TCN2: variants seen among roughly 807,000 people sequenced by gnomAD.
The protein encoded by TCN2 is transcobalamin 2, also known as transcobalamin-2.
Under a neutral mutation model 48.6 loss-of-function variants are expected in TCN2, and 34 were observed. The ratio of observed to expected loss-of-function variants is 0.70; its 90% CI spans 0.53 to 0.93. TCN2 has a LOEUF of 0.93. TCN2 is among the 40% of genes least tolerant of loss of function. TCN2 has a pLI of 0.00. For synonymous variants in TCN2, 283 were observed against 212.5 expected (o/e 1.33, Z -2.89); for missense variants, 652 against 526.1 (o/e 1.24, Z -2.34).
chr22:30,617,785 G>A, intron 7 of TCN2: 1 of 462,502 alleles, frequency 2.2e-6, no homozygotes, highest in Non-Finnish European at 4.0e-6. Flanking sequence ...GAGGAGAACA[G>A]TTGTGCCCCT....
In TCN2 at chr22:30,626,519, T is replaced by C; in HGVS notation, c.1282T>C (p.Ter428GlnextTer14). The stretch of plus-strand genomic sequence containing the variant: ...CATTGAGCTGAGGCTGGTTAGCTGG[T>C]AGCCCCTGAGCTCCCTCATCCCAGC... ...ETIELRLVSW* is the reference protein window; with the variant it reads ...ETIELRLVSWQ Residue 428 changes from the stop codon to glutamine (Q), a stop_lost, in exon 9 of 9, where the codon TAG becomes CAG. Coordinates refer to ENST00000215838, the MANE Select transcript of TCN2 (RefSeq NM_000355.4). 2.5e-6 allele frequency: 4 copies of C among 1,614,076 alleles called. No individual in the cohort carries two copies. The highest frequency in any genetic ancestry group is 3.4e-6 in the Non-Finnish European group (4 of 1,180,010).
intron 1 of TCN2, among the ~76,000 whole-genome samples, chr22:30,609,671 G>A (rs1047086500): frequency 6.6e-5 from 10 of 152,104 alleles, no homozygotes; most frequent in East Asian, 1.9e-4. Context: ...TGACAGAGAC[G>A]GAGAAATGGA....
Position 30,614,399 on chromosome 22 carries a change from G to A in TCN2, c.478G>A (p.Gly160Ser), listed in dbSNP as rs2087582881. 6.2e-7 allele frequency: 1 copy of A among 1,614,190 alleles called. No homozygotes were observed. Among genetic ancestry groups the A allele is most frequent in the Admixed American group, 1.7e-5 (1 of 60,028 alleles). Residue 160 changes from glycine to serine, a missense_variant, in exon 4 of 9, where the codon GGC (glycine) becomes AGC (serine). Transcript: ENST00000215838. The part of the protein sequence containing the change: ...PHTSYYQYGL[G>S]ILALCLHQKR... ...CACTAGCTACTACCAGTATGGCCTG[G>A]GCATTCTGGCCCTGTGTCTCCACCA... is the stretch of plus-strand genomic sequence containing the variant.
intron 1 of TCN2, 62 bp downstream of exon 1, chr22:30,607,457 G>T: frequency 6.3e-7 from 1 of 1,595,794 alleles, no homozygotes; most frequent in South Asian, 1.1e-5. Flanking sequence ...GGTGGCTAGG[G>T]CATAGGATGA....
intron 8 of TCN2, among the ~76,000 whole-genome samples, chr22:30,624,841 G>T (rs1216505479): frequency 6.6e-6 from 1 of 152,176 alleles, no homozygotes; most frequent in Non-Finnish European, 1.5e-5. Context: ...GAAAGTGGAT[G>T]GGAGTTATAA....
At chr22:30,619,493 G>C (rs1173792593) in intron 7 of TCN2, among the ~76,000 whole-genome samples, 1 of 152,230 alleles carries the variant, frequency 6.6e-6, no homozygotes, top group East Asian at 1.9e-4. Context: ...AGAATAGTTT[G>C]AGAATGAGCA....
chr22:30,623,939 C>CACACATATATATGTATACATATAT (rs2087756061), intron 8 of TCN2, among the ~76,000 whole-genome samples: 1 of 35,860 alleles, frequency 2.8e-5, no homozygotes, highest in South Asian at 5.2e-4. Flanking sequence ...TACATATATA[C>CACACATATATATGTATACATATAT]ACACACACAT....
In TCN2 at chr22:30,615,844, C is replaced by T. The variant is rs773678908; in HGVS notation, c.940+57C>T. 285 of 1,604,112 alleles carry T rather than the reference C, an allele frequency of 1.8e-4. No homozygotes were observed. In the Middle Eastern group the frequency reaches 1.8e-3, roughly 10 times the overall value. On this transcript the variant is annotated intron_variant, in intron 6 of 8. Coordinates refer to ENST00000215838, the MANE Select transcript of TCN2 (RefSeq NM_000355.4). ...TTACAATCTGCTGCGCACCCATTGA[C>T]GTCCCAGTGAGGGGAGGTTGCTTCA... is the stretch of plus-strand genomic sequence containing the variant.
At chr22:30,617,036 C>T (rs1478837811) in intron 6 of TCN2, among the ~76,000 whole-genome samples, 1 of 151,706 alleles carries the variant, frequency 6.6e-6, no homozygotes, top group Non-Finnish European at 1.5e-5. Context: ...TGCTAGGTGC[C>T]AGAGAGGTGG....
chr22:30,615,175 T>C, intron 4 of TCN2, 126 bp from the exon 5 acceptor site: 2 of 968,184 alleles, frequency 2.1e-6, no homozygotes, highest in South Asian at 2.7e-5. Flanking sequence ...GATCTGACCA[T>C]GTTGCCCTTC....
At chr22:30,609,450 C>G (rs1228747370) in intron 1 of TCN2, among the ~76,000 whole-genome samples, 1 of 152,162 alleles carries the variant, frequency 6.6e-6, no homozygotes, top group African/African-American at 2.4e-5. Context: ...GGTTGTCAGT[C>G]TCTCCCTTTA....
At chr22:30,624,148 C>T (rs1405843444) in intron 8 of TCN2, among the ~76,000 whole-genome samples, 2 of 149,878 alleles carry the variant, frequency 1.3e-5, no homozygotes, top group Admixed American at 6.7e-5. Flanking sequence ...GGTCTCAGCT[C>T]ACTGCAGCCT....
chr22:30,623,848 A>C (rs1363143722), intron 8 of TCN2, among the ~76,000 whole-genome samples: 1 of 74,468 alleles, frequency 1.3e-5, no homozygotes, highest in Non-Finnish European at 2.2e-5. Context: ...ACACACATAC[A>C]TACACATACA....
At chr22:30,621,254 A>G (rs965207555) in intron 7 of TCN2, among the ~76,000 whole-genome samples, 1 of 151,954 alleles carries the variant, frequency 6.6e-6, no homozygotes, top group African/African-American at 2.4e-5. Context: ...CCGCCTCCTC[A>G]AGTGCTGGGA....
chr22:30,620,224 G>C (rs1403689857), intron 7 of TCN2, among the ~76,000 whole-genome samples: 6 of 152,132 alleles, frequency 3.9e-5, no homozygotes, highest in Non-Finnish European at 8.8e-5. Context: ...GGCCAAGGTG[G>C]GCAGATTACT....
At chr22:30,617,001 A>G (rs751497453) in intron 6 of TCN2, among the ~76,000 whole-genome samples, 3 of 152,126 alleles carry the variant, frequency 2.0e-5, no homozygotes, top group Non-Finnish European at 4.4e-5. Flanking sequence ...GAACAAATGC[A>G]TGTTCTAGGA....
At chr22:30,610,265 T>C (rs747646651) in intron 1 of TCN2, 8 of 471,072 alleles carry the variant, frequency 1.7e-5, no homozygotes, top group Non-Finnish European at 3.5e-5. Context: ...TTTTGAGATC[T>C]GCATGGAGGA....
At chr22:30,617,963 A>C (rs1038080511) in intron 7 of TCN2, among the ~76,000 whole-genome samples, 1 of 152,172 alleles carries the variant, frequency 6.6e-6, no homozygotes, top group Non-Finnish European at 1.5e-5. Context: ...TTTAAGAGAC[A>C]GGGTCTCAAT....
chr22:30,618,965 T>C (rs1448028813), intron 7 of TCN2, among the ~76,000 whole-genome samples: 1 of 152,064 alleles, frequency 6.6e-6, no homozygotes, highest in African/African-American at 2.4e-5. Flanking sequence ...AGATGGAATT[T>C]TGCCATTTTG....
Sources: gnomAD v4.1 joint callset for allele counts (sites outside exome capture counted in the v4.1 genomes callset) on GRCh38, gnomAD v4.1.1 for gene constraint, MANE v1.5 for transcripts, NCBI Gene and HGNC (gene_info 2026-07-23, HGNC 2026-07-21) for gene names.